Variants in FAM219A observed in about 807,000 individuals in gnomAD.
FAM219A encodes protein FAM219A.
In FAM219A, 7 loss-of-function variants were observed where a neutral mutation model predicts 23.4. The ratio of observed to expected loss-of-function variants is 0.30; its 90% confidence interval spans 0.17 to 0.56. FAM219A has a LOEUF of 0.56. Among genes scored for constraint, FAM219A ranks in the 20% least tolerant of loss-of-function variants. FAM219A has a pLI of 0.92. For synonymous variants in FAM219A, 93 were observed against 99.0 expected (o/e 0.94, Z 0.36); for missense variants, 166 against 246.9 (o/e 0.67, Z 2.20).
At chr9:34,416,693 A>G (rs146348593) in intron 1 of FAM219A, among the ~76,000 whole-genome samples, 1 of 151,676 alleles carries the variant, frequency 6.6e-6, no homozygotes, top group East Asian at 1.9e-4. Flanking sequence ...AGCCAAGATC[A>G]TGCCACTGGA....
intron 1 of FAM219A, among the ~76,000 whole-genome samples, chr9:34,441,087 G>C (rs1033990215): frequency 6.6e-6 from 1 of 152,114 alleles, no homozygotes; most frequent in African/African-American, 2.4e-5. Flanking sequence ...AAGAGTTCTA[G>C]AATTGCCTGC....
At position 34,458,327 on chromosome 9, in the gene FAM219A, G is replaced by A; in HGVS notation, c.-64C>T. ...CGCGGACGCCGACAGGACCGCGCGG[G>A]GCGGCGGCCCCAGGAGCCCGGCGGG... On this transcript the variant is annotated 5_prime_UTR_variant, in exon 1 of 6. Transcript: ENST00000651358. The surrounding 1 kb of genome is among the most constrained non-coding windows in gnomAD (Gnocchi z 6.6). 3.4e-6 allele frequency: 4 copies of A among 1,191,346 alleles called. No individual in the cohort carries two copies. Among genetic ancestry groups the A allele is most frequent in the Non-Finnish European group, 3.1e-6 (3 of 956,438 alleles). The allele number at this position is 1,191,346 out of a possible 1,614,324, so 73.8% of individuals were successfully genotyped here. A position where few individuals can be genotyped will look rare whatever the true frequency, so the allele number is the denominator to read the frequency against.
chr9:34,429,563 C>A lies in FAM219A; in HGVS notation c.61-23599G>T, dbSNP rs556791100. The stretch of plus-strand genomic sequence containing the variant: ...CTTCTGACCTTTCAGACTCCTCACA[C>A]ATGACTTGGGGAAGTGGGAGGAAGT... On this transcript the variant is annotated intron_variant, in intron 1 of 5. Coordinates refer to ENST00000651358, the MANE Select transcript of FAM219A (RefSeq NM_001184940.2). 5.9e-5 allele frequency among the ~76,000 whole-genome samples: 9 copies of A among 152,286 alleles called. No individual in the cohort carries two copies. In the South Asian group the frequency reaches 1.9e-3, roughly 32 times the overall value.
chr9:34,410,228 G>A (rs1000095707), intron 1 of FAM219A, among the ~76,000 whole-genome samples: 1 of 152,214 alleles, frequency 6.6e-6, no homozygotes, highest in African/African-American at 2.4e-5. Flanking sequence ...CCCCAGGGCT[G>A]TACCAACTCA....
intron 1 of FAM219A, among the ~76,000 whole-genome samples, chr9:34,424,539 T>C (rs1822388507): frequency 6.6e-6 from 1 of 152,136 alleles, no homozygotes; most frequent in South Asian, 2.1e-4. Context: ...CCCCAAATTC[T>C]GGCTGCACCA....
Position 34,405,882 on chromosome 9 carries a change from G to C in FAM219A, c.143C>G (p.Pro48Arg). The C allele has an allele frequency of 6.2e-7, 1 of 1,613,974 alleles. No individual in the cohort carries two copies. Among genetic ancestry groups the C allele is most frequent in the Non-Finnish European group, 8.5e-7 (1 of 1,179,922 alleles). Residue 48 changes from proline to arginine, a missense_variant, in exon 2 of 6, where the codon CCG becomes CGG. Pro to Arg is a moderately radical substitution (Grantham distance 103). Coordinates refer to ENST00000651358, the MANE Select transcript of FAM219A (RefSeq NM_001184940.2). ...ACACTCACCCAGCTTCACTTGGAGC[G>C]GGGATGGTTTGTAATTCATGGCTAC... ...ESVAMNYKPSPLQVKLEKQRE... is the reference protein window; with the variant it reads ...ESVAMNYKPSRLQVKLEKQRE...
In FAM219A at chr9:34,457,021, T is replaced by G. The variant is rs2132029219; in HGVS notation, c.60+1183A>C. On this transcript the variant is annotated intron_variant, in intron 1 of 5. Transcript: ENST00000651358. The surrounding 1 kb of genome is among the most constrained non-coding windows in gnomAD (Gnocchi z 5.1). ...AGCCAGGGGGTTATAGGCCCAAGGGTAGACCTGTTTCTGGCCACCCTGCCT... is the reference window on the plus strand; with the variant it reads ...AGCCAGGGGGTTATAGGCCCAAGGGGAGACCTGTTTCTGGCCACCCTGCCT... Among the ~76,000 whole-genome samples, 1 of 152,172 alleles carries G rather than the reference T, an allele frequency of 6.6e-6. No homozygotes were observed. The highest frequency in any genetic ancestry group is 2.1e-4 in the South Asian group (1 of 4,818).
chr9:34,414,533 TAAAATAAAAC>T (rs1821931909), intron 1 of FAM219A, among the ~76,000 whole-genome samples: 1 of 151,960 alleles, frequency 6.6e-6, no homozygotes, highest in Admixed American at 6.6e-5. Flanking sequence ...TAAAATAAAA[TAAAATAAAAC>T]AAAATAAAAA....
chr9:34,403,602 G>C (rs1428226943), intron 2 of FAM219A, among the ~76,000 whole-genome samples: 1 of 152,218 alleles, frequency 6.6e-6, no homozygotes. Flanking sequence ...GCTTCATGGA[G>C]CTGGCCATCA....
At position 34,439,362 on chromosome 9, in the gene FAM219A, GTCAT is replaced by G. The variant is rs374380974; in HGVS notation, c.60+18838_60+18841del. On this transcript the variant is annotated intron_variant, in intron 1 of 5. Coordinates refer to ENST00000651358, the MANE Select transcript of FAM219A (RefSeq NM_001184940.2). ...ATGAGACTAGAAGACAATTCATTCA[GTCAT>G]TCATTCATTCAACCAAAAGCTATTT... Among the ~76,000 whole-genome samples, 327 of 152,272 alleles carry G rather than the reference GTCAT, an allele frequency of 2.1e-3. 3 individuals are homozygous for G. The highest frequency in any genetic ancestry group is 7.5e-3 in the African/African-American group (311 of 41,556).
intron 2 of FAM219A, 131 bp from the exon 3 acceptor site, chr9:34,402,938 A>G (rs1452864876): frequency 1.4e-6 from 1 of 712,536 alleles, no homozygotes; most frequent in African/African-American, 1.8e-5. Flanking sequence ...AGGGATCCCA[A>G]CTCCAGGCCC....
intron 4 of FAM219A, 134 bp downstream of exon 4, chr9:34,402,253 G>T: frequency 6.2e-7 from 1 of 1,612,638 alleles, no homozygotes. Flanking sequence ...CATCCCTGGA[G>T]AATTCACCCT....
chr9:34,407,575 G>A (rs1821683611), intron 1 of FAM219A, among the ~76,000 whole-genome samples: 1 of 152,200 alleles, frequency 6.6e-6, no homozygotes, highest in Non-Finnish European at 1.5e-5. Context: ...AAGCATGCAG[G>A]GAGGGACATA....
chr9:34,399,535 A>C lies in FAM219A; in HGVS notation c.*1429T>G. The C allele has an allele frequency of 6.6e-6, 1 of 152,240 alleles. No homozygotes were observed. Among genetic ancestry groups the C allele is most frequent in the East Asian group, 1.9e-4 (1 of 5,182 alleles). The allele number at this position is 152,240 out of a possible 1,614,324, so 9.4% of individuals were successfully genotyped here. On this transcript the variant is annotated 3_prime_UTR_variant, in exon 6 of 6. Coordinates refer to ENST00000651358, the MANE Select transcript of FAM219A (RefSeq NM_001184940.2). ...CAGAGCCACATGTGCTCAGACATAC[A>C]CAGTCCTGATAGGAACTGCCCCTTC...
chr9:34,446,872 C>A (rs1823395506), intron 1 of FAM219A, among the ~76,000 whole-genome samples: 1 of 152,164 alleles, frequency 6.6e-6, no homozygotes. Flanking sequence ...ATGGTGATGA[C>A]CACTACAGAA....
chr9:34,420,825 A>C (rs1822243306), intron 1 of FAM219A, among the ~76,000 whole-genome samples: 1 of 151,908 alleles, frequency 6.6e-6, no homozygotes, highest in African/African-American at 2.4e-5. Flanking sequence ...AAAAAGAAAA[A>C]AAAACTTAGC....
At chr9:34,409,861 AG>A (rs149695663) in intron 1 of FAM219A, among the ~76,000 whole-genome samples, 2,601 of 152,316 alleles carry the variant, frequency 0.017, 69 homozygotes, top group East Asian at 0.12. Context: ...GTTGGAGAAA[AG>A]GTTCTATTTT....
At chr9:34,409,059 T>C (rs995283446) in intron 1 of FAM219A, among the ~76,000 whole-genome samples, 1 of 152,220 alleles carries the variant, frequency 6.6e-6, no homozygotes, top group African/African-American at 2.4e-5. Flanking sequence ...CAGTTCCTGA[T>C]GGTATTTGAT....
intron 1 of FAM219A, among the ~76,000 whole-genome samples, chr9:34,418,322 C>G (rs965113762): frequency 6.6e-6 from 1 of 152,156 alleles, no homozygotes; most frequent in African/African-American, 2.4e-5. Flanking sequence ...ATGTCTTAGA[C>G]TGATGTTCTG....
Sources: allele counts gnomAD v4.1 joint callset (sites outside exome capture counted in the v4.1 genomes callset), GRCh38; gene constraint gnomAD v4.1.1; non-coding constraint Gnocchi (gnomAD v3.1); transcripts MANE v1.5; gene names NCBI Gene and HGNC (gene_info 2026-07-23, HGNC 2026-07-21).